PIGU: variants seen among roughly 807,000 people sequenced by gnomAD.
PIGU encodes phosphatidylinositol glycan anchor biosynthesis class U.
A neutral mutation model predicts 49.9 loss-of-function variants in PIGU; 24 were observed. That is an observed-to-expected ratio of 0.48 (90% confidence interval 0.35 to 0.68). The LOEUF (loss-of-function observed/expected upper bound fraction) is 0.68. Among genes scored for constraint, PIGU ranks in the 30% least tolerant of loss-of-function variants. The pLI, the probability that PIGU is intolerant of heterozygous loss-of-function variation, is 0.01. For synonymous variants in PIGU, 220 were observed against 205.7 expected (o/e 1.07, Z -0.59); for missense variants, 490 against 532.6 (o/e 0.92, Z 0.79).
At chr20:34,562,690 G>T in intron 11 of PIGU, 3 of 701,726 alleles carry the variant, frequency 4.3e-6, no homozygotes, top group Non-Finnish European at 6.5e-6. Flanking sequence ...AAGGTGGTCT[G>T]CCTGGGGCCC....
At chr20:34,656,004 C>T (rs1483052809) in intron 2 of PIGU, among the ~76,000 whole-genome samples, 1 of 86,826 alleles carries the variant, frequency 1.2e-5, no homozygotes, top group Non-Finnish European at 2.2e-5. Context: ...GATGGAGTCT[C>T]GCCCTGTGGC....
At chr20:34,671,542 G>A (rs1250559490) in intron 1 of PIGU, among the ~76,000 whole-genome samples, 6 of 151,892 alleles carry the variant, frequency 4.0e-5, no homozygotes, top group Non-Finnish European at 7.4e-5. Flanking sequence ...GATTACAGGC[G>A]TTAGCCACCG....
intron 10 of PIGU, among the ~76,000 whole-genome samples, chr20:34,576,957 T>C (rs1488542899): frequency 6.6e-6 from 1 of 152,164 alleles, no homozygotes; most frequent in East Asian, 1.9e-4. Context: ...CCCTTTGCCA[T>C]GTAAGGCGAT....
intron 1 of PIGU, among the ~76,000 whole-genome samples, chr20:34,672,613 G>T (rs1225046565): frequency 6.6e-6 from 1 of 151,408 alleles, no homozygotes; most frequent in Non-Finnish European, 1.5e-5. Context: ...AGCACTTTGG[G>T]AGGCCAAGGC....
chr20:34,646,709 A>G (rs980174122), intron 2 of PIGU, among the ~76,000 whole-genome samples: 9 of 152,116 alleles, frequency 5.9e-5, no homozygotes, highest in African/African-American at 2.2e-4. Context: ...GTGCCCAGCC[A>G]TTTTCTTCAA....
intron 1 of PIGU, among the ~76,000 whole-genome samples, chr20:34,669,632 A>C (rs919837267): frequency 6.7e-6 from 1 of 148,984 alleles, no homozygotes; most frequent in East Asian, 2.0e-4. Context: ...ACACCACTGC[A>C]CTCCAGCCTG....
At chr20:34,587,940 A>G (rs1324631664) in intron 8 of PIGU, among the ~76,000 whole-genome samples, 2 of 152,226 alleles carry the variant, frequency 1.3e-5, no homozygotes, top group African/African-American at 4.8e-5. Flanking sequence ...TATTATGAAT[A>G]ATGCTGCAAT....
Position 34,658,137 on chromosome 20 carries a change from C to T in PIGU, c.131-893G>A, listed in dbSNP as rs1040990164. On this transcript the variant is annotated intron_variant, in intron 1 of 11. Coordinates refer to ENST00000217446, the MANE Select transcript of PIGU (RefSeq NM_080476.5). ...CCTGCCCAGTGCCTGCGATTGCAGG[C>T]GCGCGCCGCCACGCCTGACTGGTTT... Among the ~76,000 whole-genome samples the T allele has an allele frequency of 1.6e-3, 251 of 152,292 alleles. 1 individual carries two copies. Among genetic ancestry groups the T allele is most frequent in the Non-Finnish European group, 2.8e-3 (191 of 68,020 alleles).
At chr20:34,638,115 C>T (rs1053992444) in intron 4 of PIGU, 130 bp from the exon 5 acceptor site, 2 of 1,377,616 alleles carry the variant, frequency 1.5e-6, no homozygotes, top group African/African-American at 3.0e-5. Flanking sequence ...CCTCTCCAGG[C>T]TCATCTCACA....
intron 7 of PIGU, among the ~76,000 whole-genome samples, chr20:34,612,750 G>A (rs1568639193): frequency 1.3e-5 from 2 of 151,508 alleles, no homozygotes; most frequent in Admixed American, 6.6e-5. Context: ...TGCCTCCCGA[G>A]TAGCTGGAAT....
intron 6 of PIGU, among the ~76,000 whole-genome samples, chr20:34,632,295 A>C (rs976126441): frequency 3.3e-5 from 5 of 152,138 alleles, no homozygotes; most frequent in Non-Finnish European, 7.4e-5. Flanking sequence ...ATCCTACCCA[A>C]CTATTAATTT....
intron 1 of PIGU, among the ~76,000 whole-genome samples, chr20:34,671,348 G>GC (rs1322406140): frequency 3.3e-5 from 5 of 151,680 alleles, no homozygotes; most frequent in Middle Eastern, 6.8e-3. Flanking sequence ...CGCAACCTCT[G>GC]CCCCCCGGGT....
At chr20:34,641,465 C>T (rs1406655456) in intron 4 of PIGU, among the ~76,000 whole-genome samples, 1 of 152,134 alleles carries the variant, frequency 6.6e-6, no homozygotes, top group Non-Finnish European at 1.5e-5. Context: ...ATTCTGAGTT[C>T]CAAACAAGAA....
intron 11 of PIGU, among the ~76,000 whole-genome samples, chr20:34,567,633 C>G (rs1056786972): frequency 2.6e-5 from 4 of 152,098 alleles, no homozygotes; most frequent in Non-Finnish European, 5.9e-5. Flanking sequence ...TCACATTTAT[C>G]CTCAGCTCTT....
chr20:34,590,165 C>T (rs1983897210), intron 7 of PIGU, among the ~76,000 whole-genome samples: 1 of 149,446 alleles, frequency 6.7e-6, no homozygotes, highest in Non-Finnish European at 1.5e-5. Context: ...ATAAGAATTA[C>T]CAGAAAACAA....
Position 34,637,962 on chromosome 20 carries a change from T to C in PIGU, c.342A>G (p.Leu114=), listed in dbSNP as rs1568652550. 3 of 1,573,550 alleles carry C rather than the reference T, an allele frequency of 1.9e-6. No individual in the cohort carries two copies. The highest frequency in any genetic ancestry group is 2.6e-6 in the Non-Finnish European group (3 of 1,167,974). The part of the protein sequence containing the change: ...KVVFKKQKLL[L]ELDQYAPDVA... ...CATCTGGGGCATACTGGTCCAGTTC[T>C]AGGAGGAGTTTCTGCTTTTTAAACT... Residue 114 remains leucine, a synonymous_variant, in exon 5 of 12, where the codon CTA becomes CTG. Transcript: ENST00000217446.
At chr20:34,563,863 A>G (rs1311209164) in intron 11 of PIGU, among the ~76,000 whole-genome samples, 5 of 152,174 alleles carry the variant, frequency 3.3e-5, no homozygotes, top group African/African-American at 1.2e-4. Flanking sequence ...ATCAGCTTGA[A>G]ATCACGTGGC....
At chr20:34,599,200 C>G (rs543899063) in intron 7 of PIGU, among the ~76,000 whole-genome samples, 2 of 152,164 alleles carry the variant, frequency 1.3e-5, no homozygotes, top group African/African-American at 4.8e-5. Context: ...TGCCTGTAAT[C>G]CCAGCACTTT....
At chr20:34,604,661 T>G (rs2146730163) in intron 7 of PIGU, among the ~76,000 whole-genome samples, 1 of 152,110 alleles carries the variant, frequency 6.6e-6, no homozygotes. Context: ...GTGTGAAAAC[T>G]CTAAATATGG....
Sources: gnomAD v4.1 joint callset for allele counts (sites outside exome capture counted in the v4.1 genomes callset) on GRCh38, gnomAD v4.1.1 for gene constraint, MANE v1.5 for transcripts, NCBI Gene and HGNC (gene_info 2026-07-23, HGNC 2026-07-21) for gene names.